Variants in CDH20 observed in about 807,000 individuals in gnomAD.
CDH20 encodes cadherin-20.
In CDH20, 29 loss-of-function variants were observed where a neutral mutation model predicts 74.2. The ratio of observed to expected loss-of-function variants is 0.39; its 90% confidence interval spans 0.29 to 0.53. CDH20 has a LOEUF of 0.53. Ranked by LOEUF, CDH20 falls within the 20% of genes least tolerant of loss-of-function variation. The pLI is 0.69. For missense variants in CDH20, 988 were observed against 1,048.3 expected (o/e 0.94, Z 0.79); for synonymous variants, 469 against 405.4 (o/e 1.16, Z -1.88).
At chr18:61,341,002 G>A (rs930509764) in intron 1 of CDH20, among the ~76,000 whole-genome samples, 1 of 152,128 alleles carries the variant, frequency 6.6e-6, no homozygotes, top group African/African-American at 2.4e-5. Context: ...CTATGCAAAT[G>A]GCTTGAATAA....
At chr18:61,490,164 A>G (rs73453518) in intron 1 of CDH20, among the ~76,000 whole-genome samples, 1,542 of 152,300 alleles carry the variant, frequency 0.01, 26 homozygotes, top group African/African-American at 0.035. Context: ...AAATTTATTC[A>G]TCAGTTTTAT....
At chr18:61,458,937 G>A (rs1909673730) in intron 1 of CDH20, among the ~76,000 whole-genome samples, 3 of 152,174 alleles carry the variant, frequency 2.0e-5, no homozygotes, top group Non-Finnish European at 2.9e-5. Flanking sequence ...TGCAGTCCTT[G>A]TTTGTATTTA....
intron 1 of CDH20, among the ~76,000 whole-genome samples, chr18:61,430,818 GGCA>G (rs1279870765): frequency 2.0e-5 from 3 of 151,932 alleles, no homozygotes; most frequent in Admixed American, 6.6e-5. Flanking sequence ...CTTACTTTCT[GGCA>G]GTATAAGACC....
intron 1 of CDH20, among the ~76,000 whole-genome samples, chr18:61,438,623 T>C (rs1034234081): frequency 3.9e-5 from 6 of 152,170 alleles, no homozygotes; most frequent in African/African-American, 7.2e-5. Context: ...GGTGAGGCTA[T>C]GGAGAAAAGG....
At chr18:61,459,652 C>T (rs142279334) in intron 1 of CDH20, among the ~76,000 whole-genome samples, 3 of 152,138 alleles carry the variant, frequency 2.0e-5, no homozygotes, top group African/African-American at 7.2e-5. Context: ...TGCAAAAGCT[C>T]AGGCCCCACC....
At chr18:61,451,096 A>G (rs1909370593) in intron 1 of CDH20, among the ~76,000 whole-genome samples, 1 of 152,120 alleles carries the variant, frequency 6.6e-6, no homozygotes, top group East Asian at 1.9e-4. Context: ...TGCCTTTCAG[A>G]AAGGCAACTA....
intron 1 of CDH20, among the ~76,000 whole-genome samples, chr18:61,460,299 C>T (rs560004680): frequency 1.3e-5 from 2 of 152,306 alleles, no homozygotes; most frequent in South Asian, 4.1e-4. Context: ...ATGATATTCA[C>T]ATCTCAGAGC....
chr18:61,490,613 G>A lies in CDH20; in HGVS notation c.60G>A (p.Leu20=). 6.2e-7 allele frequency: 1 copy of A among 1,614,138 alleles called. No individual in the cohort carries two copies. ...ACTGGCTTGGACTTGGCATGTCCTT[G>A]TACTTCTGGGGGCTGATGGACCTTA... The part of the protein sequence containing the change: ...AKNWLGLGMS[L]YFWGLMDLTT... Residue 20 remains leucine, a synonymous_variant, in exon 2 of 12, where the codon TTG becomes TTA. Transcript: ENST00000262717.
At chr18:61,388,192 G>A (rs1189971710) in intron 1 of CDH20, among the ~76,000 whole-genome samples, 1 of 152,188 alleles carries the variant, frequency 6.6e-6, no homozygotes, top group Non-Finnish European at 1.5e-5. Flanking sequence ...TTTATGAAAT[G>A]AGCCTTGATG....
chr18:61,412,101 G>A (rs1315679775), intron 1 of CDH20, among the ~76,000 whole-genome samples: 1 of 151,744 alleles, frequency 6.6e-6, no homozygotes, highest in Non-Finnish European at 1.5e-5. Context: ...GATACATGAT[G>A]GATTGAAAGA....
chr18:61,334,256 C>G (rs1310879088), intron 1 of CDH20: 1 of 152,106 alleles, frequency 6.6e-6, no homozygotes, highest in African/African-American at 2.4e-5. Flanking sequence ...ACAGGGTGGC[C>G]GCGTCCCTCG....
At chr18:61,514,170 C>T (rs1398971795) in intron 6 of CDH20, among the ~76,000 whole-genome samples, 1 of 151,896 alleles carries the variant, frequency 6.6e-6, no homozygotes, top group East Asian at 1.9e-4. Context: ...TTCACATAGT[C>T]CCATATTTCT....
Position 61,468,244 on chromosome 18 carries a change from T to G in CDH20, c.-152-22158T>G, listed in dbSNP as rs148783558. Among the ~76,000 whole-genome samples the G allele has an allele frequency of 4.7e-4, 72 of 152,332 alleles. No individual in the cohort carries two copies. In the East Asian group the frequency reaches 0.014, roughly 29 times the overall value. ...TAAGTCAAAATTGCATGGTTTGCCT[T>G]TCACTGCATGTGTGGAGAACAGAAA... On this transcript the variant is annotated intron_variant, in intron 1 of 11. Coordinates refer to ENST00000262717, the MANE Select transcript of CDH20 (RefSeq NM_031891.4).
At chr18:61,472,684 G>T (rs926145028) in intron 1 of CDH20, among the ~76,000 whole-genome samples, 1 of 152,206 alleles carries the variant, frequency 6.6e-6, no homozygotes, top group Non-Finnish European at 1.5e-5. Context: ...ATTCCTGTGG[G>T]AGCCAAACAA....
intron 1 of CDH20, among the ~76,000 whole-genome samples, chr18:61,433,329 G>A (rs1394708113): frequency 1.3e-5 from 2 of 152,088 alleles, no homozygotes; most frequent in African/African-American, 4.8e-5. Flanking sequence ...ATATAGAACT[G>A]TTTGTGATTA....
At chr18:61,348,598 T>G (rs551616503) in intron 1 of CDH20, among the ~76,000 whole-genome samples, 2 of 152,190 alleles carry the variant, frequency 1.3e-5, no homozygotes, top group Non-Finnish European at 2.9e-5. Context: ...GTCAGTTCAG[T>G]GCTGGGAAGG....
intron 11 of CDH20, among the ~76,000 whole-genome samples, chr18:61,552,974 A>G (rs1325270077): frequency 3.9e-5 from 6 of 152,034 alleles, no homozygotes; most frequent in South Asian, 2.1e-4. Flanking sequence ...CACGCCTCGT[A>G]TTTTTGCACA....
At position 61,545,372 on chromosome 18, in the gene CDH20, T is replaced by C. The variant is rs527620698; in HGVS notation, c.1648+228T>C. On this transcript the variant is annotated intron_variant, in intron 10 of 11. Coordinates refer to ENST00000262717, the MANE Select transcript of CDH20 (RefSeq NM_031891.4). Reference sequence around the variant, plus strand: ...GTCCTCCCATCTCAGCCTCCCAAAGTGCTAGTATTACAGACATGAGCCACC... The same window carrying C: ...GTCCTCCCATCTCAGCCTCCCAAAGCGCTAGTATTACAGACATGAGCCACC... Among the ~76,000 whole-genome samples the C allele has an allele frequency of 4.6e-5, 7 of 151,310 alleles. 1 individual carries two copies. The Admixed American group carries it at 4.6e-4, about 10-fold the overall frequency.
At chr18:61,381,351 A>T (rs924756329) in intron 1 of CDH20, among the ~76,000 whole-genome samples, 1 of 152,226 alleles carries the variant, frequency 6.6e-6, no homozygotes, top group African/African-American at 2.4e-5. Context: ...GTACTCACTG[A>T]AAGAATCATT....
Sources: gnomAD v4.1 joint callset for allele counts (sites outside exome capture counted in the v4.1 genomes callset) on GRCh38, gnomAD v4.1.1 for gene constraint, MANE v1.5 for transcripts, NCBI Gene and HGNC (gene_info 2026-07-23, HGNC 2026-07-21) for gene names.